TENM4: variants seen among roughly 807,000 people sequenced by gnomAD.
The protein encoded by TENM4 is teneurin-4.
TENM4 carries 82 observed loss-of-function variants against 243.3 expected under a neutral mutation model. The ratio of observed to expected loss-of-function variants is 0.34; its 90% confidence interval spans 0.28 to 0.40. TENM4 has a LOEUF of 0.40. Ranked by LOEUF, TENM4 falls within the 10% of genes least tolerant of loss-of-function variation. TENM4 has a pLI of 1.00. For missense variants in TENM4, 3,138 were observed against 3,673.3 expected (o/e 0.85, Z 3.77); for synonymous variants, 1,412 against 1,456.3 (o/e 0.97, Z 0.69).
chr11:78,955,652 A>T (rs1349090768), intron 6 of TENM4, among the ~76,000 whole-genome samples: 2 of 152,190 alleles, frequency 1.3e-5, no homozygotes, highest in Non-Finnish European at 2.9e-5. Context: ...GTCTACAATG[A>T]GTGACTAATT....
At chr11:78,913,592 TG>T (rs1856244273) in intron 6 of TENM4, among the ~76,000 whole-genome samples, 1 of 8,082 alleles carries the variant, frequency 1.2e-4, no homozygotes, top group African/African-American at 1.8e-4. Flanking sequence ...TATGTGTGTG[TG>T]TGTGTGTGTG....
chr11:79,241,090 A>C (rs1470472470), intron 2 of TENM4, among the ~76,000 whole-genome samples: 1 of 152,134 alleles, frequency 6.6e-6, no homozygotes, highest in East Asian at 1.9e-4. Context: ...GAGTGGCTTG[A>C]AAAGAAGGCA....
At chr11:78,905,361 C>A (rs1591117757) in intron 6 of TENM4, among the ~76,000 whole-genome samples, 1 of 152,018 alleles carries the variant, frequency 6.6e-6, no homozygotes, top group Non-Finnish European at 1.5e-5. Flanking sequence ...ACCTTTTATG[C>A]CAAAGAGGTA....
At chr11:79,200,163 G>A (rs766194693) in intron 3 of TENM4, among the ~76,000 whole-genome samples, 7 of 152,168 alleles carry the variant, frequency 4.6e-5, no homozygotes, top group East Asian at 1.9e-4. Flanking sequence ...GAAATGCACC[G>A]TGCTCTGTCT....
At chr11:79,384,512 G>A (rs958309971) in intron 1 of TENM4, among the ~76,000 whole-genome samples, 2 of 152,128 alleles carry the variant, frequency 1.3e-5, no homozygotes, top group Non-Finnish European at 2.9e-5. Flanking sequence ...TTGAATTTCA[G>A]TCCCAGTCTA....
chr11:79,200,615 C>T (rs1002098917), intron 3 of TENM4, among the ~76,000 whole-genome samples: 4 of 152,228 alleles, frequency 2.6e-5, no homozygotes, highest in African/African-American at 9.6e-5. Context: ...TCCATTAAAA[C>T]ACTAGAGGCA....
intron 7 of TENM4, among the ~76,000 whole-genome samples, chr11:78,896,153 G>A (rs12274816): frequency 0.021 from 3,142 of 152,282 alleles, 116 homozygotes; most frequent in African/African-American, 0.072. Flanking sequence ...CTCTCACAGT[G>A]AGCCCGCTGT....
intron 9 of TENM4, among the ~76,000 whole-genome samples, chr11:78,884,627 C>T (rs563067093): frequency 4.5e-4 from 69 of 152,316 alleles, no homozygotes; most frequent in Non-Finnish European, 2.4e-4. Context: ...ACTCATCCCA[C>T]AGAATTGTGG....
intron 2 of TENM4, among the ~76,000 whole-genome samples, chr11:79,247,131 T>C (rs1186571075): frequency 6.6e-6 from 1 of 151,746 alleles, no homozygotes; most frequent in African/African-American, 2.4e-5. Context: ...AAGAAGAATA[T>C]GCTGGCCAGG....
chr11:78,770,686 TGCCA>T (rs1388186941), intron 18 of TENM4, among the ~76,000 whole-genome samples: 5 of 152,266 alleles, frequency 3.3e-5, no homozygotes, highest in African/African-American at 7.2e-5. Flanking sequence ...CCCATAACTT[TGCCA>T]GACATCTCAT....
intron 6 of TENM4, among the ~76,000 whole-genome samples, chr11:79,031,234 C>T (rs1233197529): frequency 2.0e-5 from 3 of 152,170 alleles, no homozygotes; most frequent in African/African-American, 7.2e-5. Flanking sequence ...CAAAGGCTCG[C>T]TGACTGACAA....
chr11:79,123,696 G>A (rs1021786922), intron 4 of TENM4, among the ~76,000 whole-genome samples: 1 of 150,554 alleles, frequency 6.6e-6, no homozygotes, highest in African/African-American at 2.4e-5. Context: ...CACACAAAAT[G>A]TCCCTTTTCG....
intron 4 of TENM4, among the ~76,000 whole-genome samples, chr11:79,125,915 G>C (rs1037660439): frequency 6.6e-6 from 1 of 152,176 alleles, no homozygotes; most frequent in African/African-American, 2.4e-5. Flanking sequence ...CACTCAAAAA[G>C]AACTGCTTGA....
At chr11:78,957,217 A>G (rs1357282891) in intron 6 of TENM4, among the ~76,000 whole-genome samples, 3 of 152,226 alleles carry the variant, frequency 2.0e-5, no homozygotes, top group Non-Finnish European at 4.4e-5. Context: ...GTGGTGAACA[A>G]CATTGCTGAA....
Position 78,676,265 on chromosome 11 carries a change from C to T in TENM4, c.5383G>A (p.Val1795Met), listed in dbSNP as rs201960718. ...HLLAGTVNPTVGKRNVTLPID... is the reference protein window; with the variant it reads ...HLLAGTVNPTMGKRNVTLPID... ...GGCAGCGTGACATTCCTCTTGCCCACGGTGGGGTTGACGGTGCCAGCCAGC... is the reference window on the plus strand; with the variant it reads ...GGCAGCGTGACATTCCTCTTGCCCATGGTGGGGTTGACGGTGCCAGCCAGC... Residue 1795 changes from valine (V) to methionine (M), a missense_variant, in exon 30 of 34, where the codon GTG (valine) becomes ATG (methionine). Physicochemically the swap from Val to Met is conservative, Grantham distance 21. This residue lies in a region of TENM4 where 2,467 missense variants were observed against 3,059.1 expected (regional missense o/e 0.81). Transcript: ENST00000278550. The T allele has an allele frequency of 7.3e-4, 1,181 of 1,612,624 alleles. No homozygotes were observed. The highest frequency in any genetic ancestry group is 9.7e-4 in the Non-Finnish European group (1,139 of 1,178,916).
intron 1 of TENM4, among the ~76,000 whole-genome samples, chr11:79,329,801 TC>T (rs1857033003): frequency 6.6e-6 from 1 of 152,124 alleles, no homozygotes; most frequent in Non-Finnish European, 1.5e-5. Flanking sequence ...GCTGTGCAGG[TC>T]TCAGCAAGGA....
At chr11:79,228,379 T>C (rs1457941400) in intron 2 of TENM4, among the ~76,000 whole-genome samples, 1 of 152,182 alleles carries the variant, frequency 6.6e-6, no homozygotes. Context: ...CCACAGGAAC[T>C]GAAAGGACCA....
intron 6 of TENM4, among the ~76,000 whole-genome samples, chr11:79,002,745 G>A (rs1856942832): frequency 6.6e-6 from 1 of 152,178 alleles, no homozygotes; most frequent in Admixed American, 6.5e-5. Context: ...AAGCCAAGGG[G>A]TCTTCTCATC....
rs1286642519 is a variant in TENM4, at chr11:78,729,532, T to C, written c.3250A>G (p.Ile1084Val). The part of the protein sequence containing the change: ...VLRISLTHPT[I>V]PFNLMKVHLM... ...TGCACCTTCATGAGGTTGAAGGGGA[T>C]GGTCGGGTGGGTGAGGCTGATCCTC... is the stretch of plus-strand genomic sequence containing the variant. Residue 1084 changes from isoleucine to valine, a missense_variant, in exon 22 of 34, where the codon ATC (isoleucine) becomes GTC (valine). Physicochemically the swap from Ile to Val is conservative, Grantham distance 29 (BLOSUM62 3). Coordinates refer to ENST00000278550, the MANE Select transcript of TENM4 (RefSeq NM_001098816.3). 1.2e-6 allele frequency: 2 copies of C among 1,613,758 alleles called. No homozygotes were observed. Among genetic ancestry groups the C allele is most frequent in the East Asian group, 2.2e-5 (1 of 44,864 alleles).
Sources: allele counts gnomAD v4.1 joint callset (sites outside exome capture counted in the v4.1 genomes callset), GRCh38; gene constraint gnomAD v4.1.1; regional missense constraint gnomAD v4.1.1; transcripts MANE v1.5; gene names NCBI Gene and HGNC (gene_info 2026-07-23, HGNC 2026-07-21).